Variants in PLCH2 observed in about 807,000 individuals in gnomAD.
PLCH2 encodes the protein phospholipase C eta 2.
In PLCH2, 98 loss-of-function variants were observed where a neutral mutation model predicts 134.7. The ratio of observed to expected loss-of-function variants is 0.73; its 90% CI spans 0.62 to 0.86. PLCH2 has a LOEUF of 0.86. Among genes scored for constraint, PLCH2 ranks in the 40% least tolerant of loss-of-function variants. PLCH2 has a pLI of 0.00. For missense variants in PLCH2, 1,994 were observed against 1,986.6 expected (o/e 1.00, Z -0.07); for synonymous variants, 974 against 827.5 (o/e 1.18, Z -3.04).
At chr1:2,494,547 A>G in intron 11 of PLCH2, 1 of 494,782 alleles carries the variant, frequency 2.0e-6, no homozygotes, top group Non-Finnish European at 3.7e-6. Flanking sequence ...AGGATTCAGA[A>G]CTTAACGAGT....
At chr1:2,452,791 T>C (rs1640307978) in intron 2 of PLCH2, among the ~76,000 whole-genome samples, 1 of 152,192 alleles carries the variant, frequency 6.6e-6, no homozygotes, top group African/African-American at 2.4e-5. Flanking sequence ...GGCCAGTCGC[T>C]GTCCTCAGCT....
rs750801622 is a variant in PLCH2 at position 2,491,326 on chromosome 1, C to T, written c.1650C>T (p.Leu550=). ...SVSTLSPSGK[L]GRKSKAEEDV... is the part of the protein sequence containing the mutation. ...CCACACTGTCCCCATCTGGAAAGCT[C>T]GGACGCAAGGTAGAGGCCAAAAAGG... The change falls in exon 11 of 22, where the codon CTC becomes CTT. Residue 550 remains leucine, a synonymous_variant. Coordinates refer to ENST00000378486, the MANE Select transcript of PLCH2 (RefSeq NM_014638.4). 7.8e-5 allele frequency: 126 copies of T among 1,612,640 alleles called. No homozygotes were observed. Among genetic ancestry groups the T allele is most frequent in the East Asian group, 2.2e-4 (10 of 44,890 alleles).
At chr1:2,458,199 C>T (rs899947215) in intron 2 of PLCH2, among the ~76,000 whole-genome samples, 2 of 152,124 alleles carry the variant, frequency 1.3e-5, no homozygotes, top group Admixed American at 6.5e-5. Flanking sequence ...CTGCCTGGGG[C>T]GGGGGGACTC....
At chr1:2,436,965 G>A (rs2100511723) in intron 2 of PLCH2, among the ~76,000 whole-genome samples, 1 of 152,330 alleles carries the variant, frequency 6.6e-6, no homozygotes, top group African/African-American at 2.4e-5. Flanking sequence ...TGCACCTTGG[G>A]TGGGGGTGAG....
chr1:2,497,370 T>G, intron 15 of PLCH2, 132 bp from the exon 16 acceptor site: 1 of 672,676 alleles, frequency 1.5e-6, no homozygotes, highest in South Asian at 1.7e-5. Context: ...CCCATTCACA[T>G]TGGGTGAACG....
At chr1:2,470,751 CT>C (rs1333847621) in intron 1 of PLCH2, among the ~76,000 whole-genome samples, 1 of 152,206 alleles carries the variant, frequency 6.6e-6, no homozygotes, top group African/African-American at 2.4e-5. Context: ...CCTCCCCTCA[CT>C]CGGCAGGAGC....
Position 2,476,702 on chromosome 1 carries a change from C to A in PLCH2, c.114C>A (p.Leu38=). The change falls in exon 1 of 22, where the codon CTC becomes CTA. Residue 38 remains leucine (L), a synonymous_variant. Coordinates refer to ENST00000378486, the MANE Select transcript of PLCH2 (RefSeq NM_014638.4). ...TGGTGCTGTCTTCAGAGTGGCAGCT[C>A]GGCCCCCTGGGTAAGAAGGGGCAGG... The part of the protein sequence containing the change: ...GSVVLSSEWQ[L]GPLVERCMGA... 6.2e-7 allele frequency: 1 copy of A among 1,607,206 alleles called. No individual in the cohort carries two copies. The highest frequency in any genetic ancestry group is 8.5e-7 in the Non-Finnish European group (1 of 1,177,758).
intron 2 of PLCH2, among the ~76,000 whole-genome samples, chr1:2,450,645 C>T (rs7418421): frequency 3.5e-4 from 26 of 73,406 alleles, no homozygotes; most frequent in Non-Finnish European, 6.1e-4. Context: ...CCCTGCCCCC[C>T]GCTCCCTGTC....
rs748706205 is a variant in PLCH2, at chr1:2,503,983, T to G, written c.3021T>G (p.Ala1007=). The G allele has an allele frequency of 1.4e-6, 2 of 1,477,324 alleles. No homozygotes were observed. The allele number at this position is 1,477,324 out of a possible 1,614,324, so 91.5% of individuals were successfully genotyped here. Residue 1007 remains alanine (A), a synonymous_variant, in exon 22 of 22, where the codon GCT becomes GCG. Coordinates refer to ENST00000378486, the MANE Select transcript of PLCH2 (RefSeq NM_014638.4). ...CACTGTGCAGCCTGGAAACCATCGC[T>G]GAGGAGCCCGCCCCAGGCCCTGGTC... is the stretch of plus-strand genomic sequence containing the variant. ...LPPLCSLETI[A]EEPAPGPGPP...
Position 2,496,838 on chromosome 1 carries a change from C to T in PLCH2, c.1944C>T (p.Ser648=). 1 of 1,612,046 alleles carries T rather than the reference C, an allele frequency of 6.2e-7. No individual in the cohort carries two copies. The highest frequency in any genetic ancestry group is 8.5e-7 in the Non-Finnish European group (1 of 1,179,138). ...TCACCGGCGCCACAGCGGCGTCCAG[C>T]TGGCAGGTGTCGTCCTTCAGCGAGA... ...THDIEMEAAS[S]WQVSSFSETK... is the part of the protein sequence containing the mutation. The change falls in exon 15 of 22, where the codon AGC becomes AGT. Residue 648 remains serine, a synonymous_variant. Transcript: ENST00000378486.
intron 2 of PLCH2, among the ~76,000 whole-genome samples, chr1:2,442,847 C>G (rs1190238983): frequency 6.6e-6 from 1 of 152,184 alleles, no homozygotes; most frequent in East Asian, 1.9e-4. Flanking sequence ...CCTGGGGGAG[C>G]TGAGGCCTCT....
At chr1:2,435,360 C>T (rs139802579) in intron 2 of PLCH2, among the ~76,000 whole-genome samples, 3,495 of 152,278 alleles carry the variant, frequency 0.023, 54 homozygotes, top group Middle Eastern at 0.041. Context: ...AAGTGAGGCT[C>T]ACGCCCAGGG....
At chr1:2,416,184 C>A in the PLCH2 span, among the ~76,000 whole-genome samples, 2 of 152,220 alleles carry the variant, frequency 1.3e-5, no homozygotes, top group African/African-American at 4.8e-5. Context: ...TCGCTCAGGA[C>A]CCCGAGGAGG....
chr1:2,420,504 C>T, the PLCH2 span, among the ~76,000 whole-genome samples: 1 of 152,158 alleles, frequency 6.6e-6, no homozygotes, highest in Non-Finnish European at 1.5e-5. Flanking sequence ...GCAGAAAGAG[C>T]CCCGAGGGCT....
chr1:2,451,420 G>T (rs2100557480), intron 2 of PLCH2, among the ~76,000 whole-genome samples: 1 of 152,326 alleles, frequency 6.6e-6, no homozygotes, highest in South Asian at 2.1e-4. Context: ...GGGCTGTACA[G>T]ATCAGTGCCG....
chr1:2,456,945 C>T (rs917178912), intron 2 of PLCH2, among the ~76,000 whole-genome samples: 6 of 152,186 alleles, frequency 3.9e-5, no homozygotes, highest in South Asian at 2.1e-4. Context: ...AGGGGCGATC[C>T]GCACCTCCTC....
intron 2 of PLCH2, among the ~76,000 whole-genome samples, chr1:2,453,497 G>A (rs927794838): frequency 2.6e-5 from 4 of 152,208 alleles, no homozygotes; most frequent in Non-Finnish European, 5.9e-5. Context: ...AATGCTGACA[G>A]TGATCTGGGC....
chr1:2,441,889 G>A (rs866169986), intron 2 of PLCH2, among the ~76,000 whole-genome samples: 2 of 152,274 alleles, frequency 1.3e-5, no homozygotes, highest in South Asian at 4.1e-4. Flanking sequence ...GCCCCTCAGG[G>A]TAGTGATGAC....
chr1:2,491,430 G>A (rs1017654300), intron 11 of PLCH2, 95 bp downstream of exon 11: 111 of 1,287,744 alleles, frequency 8.6e-5, no homozygotes, highest in Admixed American at 1.7e-4. Context: ...TGCTCTGTGC[G>A]CACTCACACC....
Sources: gnomAD v4.1 joint callset for allele counts (sites outside exome capture counted in the v4.1 genomes callset) on GRCh38, gnomAD v4.1.1 for gene constraint, MANE v1.5 for transcripts, NCBI Gene and HGNC (gene_info 2026-07-23, HGNC 2026-07-21) for gene names.